The following MYO10 variants were observed in gnomAD, a reference collection of about 807,000 sequenced individuals.
MYO10 encodes myosin X.
MYO10 carries 133 observed loss-of-function variants against 257.3 expected under a neutral mutation model. That is an observed-to-expected ratio of 0.52 (90% CI 0.45 to 0.60). MYO10 has a LOEUF of 0.60. Among genes scored for constraint, MYO10 ranks in the 20% least tolerant of loss-of-function variants. MYO10 has a pLI of 0.00. For synonymous variants in MYO10, 1,104 were observed against 1,028.6 expected (o/e 1.07, Z -1.40); for missense variants, 2,399 against 2,635.7 (o/e 0.91, Z 1.97).
intron 3 of MYO10, among the ~76,000 whole-genome samples, chr5:16,795,397 A>G (rs1464582998): frequency 6.6e-6 from 1 of 152,164 alleles, no homozygotes; most frequent in African/African-American, 2.4e-5. Context: ...TGAGGTCAGG[A>G]GTTCAAGGCC....
At chr5:16,756,234 T>C (rs1740525145) in intron 18 of MYO10, among the ~76,000 whole-genome samples, 1 of 152,014 alleles carries the variant, frequency 6.6e-6, no homozygotes, top group Non-Finnish European at 1.5e-5. Context: ...CGAATAACTT[T>C]TTAATTTTTT....
chr5:16,826,469 GAAC>G (rs1424666272), intron 2 of MYO10, among the ~76,000 whole-genome samples: 1 of 152,174 alleles, frequency 6.6e-6, no homozygotes, highest in East Asian at 1.9e-4. Flanking sequence ...AGAATACAAA[GAAC>G]AACACAGAGC....
At chr5:16,684,533 C>T (rs150254530) in intron 29 of MYO10, among the ~76,000 whole-genome samples, 9 of 152,312 alleles carry the variant, frequency 5.9e-5, no homozygotes, top group Admixed American at 2.0e-4. Context: ...TCTGAGCTTC[C>T]GCACCTGGCC....
intron 21 of MYO10, among the ~76,000 whole-genome samples, chr5:16,709,695 G>GACCC (rs1391516160): frequency 6.6e-6 from 1 of 152,188 alleles, no homozygotes; most frequent in Non-Finnish European, 1.5e-5. Flanking sequence ...CTGATCAGAG[G>GACCC]ACCCAGCTCA....
chr5:16,820,768 C>T lies in MYO10; in HGVS notation c.121-2601G>A, dbSNP rs370154159. ...ATTCTGCTTTCTGGAAATAATCATA[C>T]ATAATACTTAAGACACTACAAAACA... On this transcript the variant is annotated intron_variant, in intron 2 of 40. Transcript: ENST00000513610. 1.3e-4 allele frequency among the ~76,000 whole-genome samples: 20 copies of T among 151,924 alleles called. No individual in the cohort carries two copies. In the East Asian group the frequency reaches 3.7e-3, roughly 28 times the overall value.
intron 2 of MYO10, among the ~76,000 whole-genome samples, chr5:16,846,228 A>T (rs145283232): frequency 5.9e-5 from 9 of 152,326 alleles, no homozygotes; most frequent in Non-Finnish European, 1.3e-4. Flanking sequence ...TGGCAGACTA[A>T]TTATAACACT....
intron 9 of MYO10, among the ~76,000 whole-genome samples, chr5:16,769,954 G>A (rs1382968331): frequency 2.6e-5 from 4 of 151,994 alleles, no homozygotes; most frequent in Non-Finnish European, 5.9e-5. Context: ...TTTGTTTGTA[G>A]AGATGGGGGT....
intron 19 of MYO10, among the ~76,000 whole-genome samples, chr5:16,721,074 T>G (rs1303748185): frequency 1.3e-5 from 2 of 152,138 alleles, no homozygotes; most frequent in Non-Finnish European, 2.9e-5. Flanking sequence ...ATAAACAACC[T>G]TATCTTCTGA....
At chr5:16,916,283 C>A (rs1243804259) in intron 1 of MYO10, 1 of 374,556 alleles carries the variant, frequency 2.7e-6, no homozygotes, top group East Asian at 7.3e-5. Context: ...AATTAAATAT[C>A]CCATTCGGAG....
Position 16,761,542 on chromosome 5 carries a change from T to G in MYO10, c.1661A>C (p.Gln554Pro). 6.2e-7 allele frequency: 1 copy of G among 1,610,996 alleles called. No individual in the cohort carries two copies. Among genetic ancestry groups the G allele is most frequent in the Non-Finnish European group, 8.5e-7 (1 of 1,177,470 alleles). The part of the protein sequence containing the change: ...FGVKHYAGEV[Q>P]YDVRGILEKN... ...CTCCAAGATACCTCGGACATCATAT[T>G]GCACCTAGTTTTAATAAATAAGAGA... Residue 554 changes from glutamine to proline, a missense_variant, in exon 17 of 41, where the codon CAA (glutamine) becomes CCA (proline). This residue lies in a region of MYO10 where 337 missense variants were observed against 446.8 expected (regional missense o/e 0.75). Coordinates refer to ENST00000513610, the MANE Select transcript of MYO10 (RefSeq NM_012334.3).
chr5:16,879,405 G>A (rs939420583), intron 1 of MYO10, among the ~76,000 whole-genome samples: 2 of 152,130 alleles, frequency 1.3e-5, no homozygotes, highest in East Asian at 1.9e-4. Context: ...CTCATTTTAC[G>A]CTACTTTAAA....
intron 24 of MYO10, among the ~76,000 whole-genome samples, chr5:16,702,096 G>A (rs1276793345): frequency 6.6e-6 from 1 of 152,218 alleles, no homozygotes; most frequent in Non-Finnish European, 1.5e-5. Flanking sequence ...TTTGGGAACA[G>A]GAGACTAGGT....
At chr5:16,710,862 G>A in intron 21 of MYO10, 46 bp downstream of exon 21, 1 of 1,517,086 alleles carries the variant, frequency 6.6e-7, no homozygotes, top group South Asian at 1.2e-5. Context: ...ATCACCCCGA[G>A]ATCTGTCAGG....
At chr5:16,894,637 T>C (rs1283285157) in intron 1 of MYO10, among the ~76,000 whole-genome samples, 1 of 152,200 alleles carries the variant, frequency 6.6e-6, no homozygotes, top group Non-Finnish European at 1.5e-5. Flanking sequence ...ACACAGATAC[T>C]GTGCCAGAGA....
chr5:16,843,936 G>T (rs1041404066), intron 2 of MYO10, among the ~76,000 whole-genome samples: 3 of 152,066 alleles, frequency 2.0e-5, no homozygotes, highest in African/African-American at 7.2e-5. Context: ...GGTTATACAA[G>T]AACTTCAAAT....
chr5:16,877,266 A>G (rs1744629308), intron 2 of MYO10, among the ~76,000 whole-genome samples: 2 of 152,242 alleles, frequency 1.3e-5, no homozygotes, highest in Non-Finnish European at 2.9e-5. Flanking sequence ...CAAATATCAT[A>G]TACTTGAACT....
At chr5:16,714,692 G>A (rs777390986) in intron 19 of MYO10, among the ~76,000 whole-genome samples, 5 of 152,144 alleles carry the variant, frequency 3.3e-5, no homozygotes, top group Admixed American at 6.5e-5. Flanking sequence ...GCGTGGTGGC[G>A]GGCGCCTGCA....
At chr5:16,779,716 G>T in intron 8 of MYO10, 68 bp from the exon 9 acceptor site, 2 of 889,474 alleles carry the variant, frequency 2.2e-6, no homozygotes, top group East Asian at 2.7e-5. Context: ...TTTTCACTCT[G>T]ACTTTTTAAA....
rs551625758 is a variant in MYO10 at position 16,737,863 on chromosome 5, C to T, written c.1929+16965G>A. ...GTCCAGCTCAAAATGCCAGTACTGCCGAGGCCAAGAACCCTGACTTATCCT... is the reference window on the plus strand; with the variant it reads ...GTCCAGCTCAAAATGCCAGTACTGCTGAGGCCAAGAACCCTGACTTATCCT... On this transcript the variant is annotated intron_variant, in intron 19 of 40. Transcript: ENST00000513610. Among the ~76,000 whole-genome samples the T allele has an allele frequency of 4.6e-5, 7 of 152,210 alleles. No homozygotes were observed. In the East Asian group the frequency reaches 5.8e-4, roughly 13 times the overall value.
Sources: gnomAD v4.1 joint callset for allele counts (sites outside exome capture counted in the v4.1 genomes callset) on GRCh38, gnomAD v4.1.1 for gene constraint, gnomAD v4.1.1 regional missense constraint, MANE v1.5 for transcripts, NCBI Gene and HGNC (gene_info 2026-07-23, HGNC 2026-07-21) for gene names.